GLIS3: variants seen among roughly 807,000 people sequenced by gnomAD.
The protein encoded by GLIS3 is zinc finger protein GLIS3.
Under a neutral mutation model 78.6 loss-of-function variants are expected in GLIS3, and 53 were observed. The ratio of observed to expected loss-of-function variants is 0.67; its 90% confidence interval spans 0.54 to 0.85. The LOEUF (loss-of-function observed/expected upper bound fraction) is 0.85. GLIS3 is among the 40% of genes least tolerant of loss of function. The pLI is 0.00. For synonymous variants in GLIS3, 684 were observed against 509.9 expected (o/e 1.34, Z -4.60); for missense variants, 1,703 against 1,231.1 (o/e 1.38, Z -5.74).
intron 4 of GLIS3, among the ~76,000 whole-genome samples, chr9:4,306,812 A>G (rs1269696181): frequency 1.3e-5 from 2 of 152,206 alleles, no homozygotes; most frequent in African/African-American, 4.8e-5. Flanking sequence ...ACTAAATGCC[A>G]TTTAAAACTC....
At chr9:4,159,306 C>T (rs1371936703) in intron 2 of GLIS3, among the ~76,000 whole-genome samples, 1 of 152,300 alleles carries the variant, frequency 6.6e-6, no homozygotes, top group African/African-American at 2.4e-5. Context: ...CAATCTCTGC[C>T]TTGTCTTGGC....
At chr9:4,155,915 C>G (rs7019392) in intron 2 of GLIS3, among the ~76,000 whole-genome samples, 34,508 of 152,114 alleles carry the variant, frequency 0.23, 4,998 homozygotes, top group African/African-American at 0.41. Flanking sequence ...CATAGGAACA[C>G]CTAAGCATCT....
intron 4 of GLIS3, among the ~76,000 whole-genome samples, chr9:4,031,741 A>G (rs569625330): frequency 6.6e-6 from 1 of 152,216 alleles, no homozygotes; most frequent in East Asian, 1.9e-4. Flanking sequence ...AAATACTCCT[A>G]AAAGTATAAA....
chr9:4,041,013 C>T (rs376173446), intron 4 of GLIS3, among the ~76,000 whole-genome samples: 1 of 152,170 alleles, frequency 6.6e-6, no homozygotes, highest in African/African-American at 2.4e-5. Flanking sequence ...GATTCTAATG[C>T]ATGCTAAACT....
intron 9 of GLIS3, among the ~76,000 whole-genome samples, chr9:3,835,000 T>C (rs760328631): frequency 6.6e-6 from 1 of 152,158 alleles, no homozygotes; most frequent in Non-Finnish European, 1.5e-5. Flanking sequence ...TATCCTACCA[T>C]ATGATGGTGG....
chr9:4,184,416 G>C (rs1817589638), intron 2 of GLIS3, among the ~76,000 whole-genome samples: 1 of 152,194 alleles, frequency 6.6e-6, no homozygotes, highest in Non-Finnish European at 1.5e-5. Context: ...CCCAGCAGCT[G>C]TATTCGAATA....
At chr9:4,425,006 C>T in the GLIS3 span, among the ~76,000 whole-genome samples, 5 of 152,200 alleles carry the variant, frequency 3.3e-5, no homozygotes, top group Admixed American at 2.0e-4. Flanking sequence ...AGGGAGCTCC[C>T]GTATTCCCCT....
At chr9:3,864,355 C>A (rs1352172593) in intron 8 of GLIS3, among the ~76,000 whole-genome samples, 1 of 152,106 alleles carries the variant, frequency 6.6e-6, no homozygotes, top group Non-Finnish European at 1.5e-5. Flanking sequence ...AGATGAGAAA[C>A]AAGGCAAAAA....
the GLIS3 span, among the ~76,000 whole-genome samples, chr9:4,370,774 G>A: frequency 6.6e-6 from 1 of 151,644 alleles, no homozygotes; most frequent in Non-Finnish European, 1.5e-5. Flanking sequence ...AAAGTATGAA[G>A]TTCACCCATT....
chr9:4,373,640 GT>G, the GLIS3 span, among the ~76,000 whole-genome samples: 1 of 150,388 alleles, frequency 6.6e-6, no homozygotes, highest in African/African-American at 2.4e-5. Context: ...ATGAGTTTTT[GT>G]TATCTAGGGG....
At chr9:4,029,594 C>A (rs1194458298) in intron 4 of GLIS3, among the ~76,000 whole-genome samples, 1 of 152,012 alleles carries the variant, frequency 6.6e-6, no homozygotes, top group African/African-American at 2.4e-5. Flanking sequence ...TGTCCCCCTC[C>A]CAAGCCCCCC....
the GLIS3 span, among the ~76,000 whole-genome samples, chr9:4,464,844 G>T: frequency 0.15 from 23,333 of 152,250 alleles, 1,979 homozygotes; most frequent in African/African-American, 0.23. Context: ...CTGATCTGAA[G>T]AGACTTCACA....
exon 2 of GLIS3, chr9:4,347,178 G>A (rs1339468122): frequency 1.3e-5 from 2 of 152,246 alleles, no homozygotes; most frequent in Non-Finnish European, 2.9e-5. Flanking sequence ...GTAAAGAGAA[G>A]CAGGCCTGTG....
chr9:3,938,978 C>G (rs1826048906), intron 4 of GLIS3, among the ~76,000 whole-genome samples: 1 of 152,204 alleles, frequency 6.6e-6, no homozygotes, highest in East Asian at 1.9e-4. Context: ...TCAGAGAAAA[C>G]TCTTGGAGCT....
At chr9:4,081,292 TCAC>T (rs927366662) in intron 4 of GLIS3, 14 of 152,276 alleles carry the variant, frequency 9.2e-5, no homozygotes, top group African/African-American at 3.1e-4. Context: ...TCCTTTGTCC[TCAC>T]CACATTAACC....
At chr9:3,880,315 C>T (rs1044288384) in intron 7 of GLIS3, among the ~76,000 whole-genome samples, 4 of 152,152 alleles carry the variant, frequency 2.6e-5, no homozygotes, top group Non-Finnish European at 4.4e-5. Flanking sequence ...CCTTCGAGAA[C>T]GGTATGTGAC....
At chr9:3,941,205 C>G (rs1815883826) in intron 4 of GLIS3, among the ~76,000 whole-genome samples, 1 of 152,184 alleles carries the variant, frequency 6.6e-6, no homozygotes, top group African/African-American at 2.4e-5. Flanking sequence ...TTTGCAGAAT[C>G]TACCCATTTC....
At chr9:3,918,365 C>G (rs1563848450) in intron 6 of GLIS3, among the ~76,000 whole-genome samples, 2 of 152,086 alleles carry the variant, frequency 1.3e-5, no homozygotes, top group Non-Finnish European at 2.9e-5. Flanking sequence ...ACTATCTTTT[C>G]AAAGATGCTT....
chr9:4,470,555 T>A, the GLIS3 span, among the ~76,000 whole-genome samples: 9 of 143,366 alleles, frequency 6.3e-5, no homozygotes, highest in Non-Finnish European at 1.4e-4. Context: ...AATTCAACAA[T>A]CTTCATGCTA....
Sources: allele counts gnomAD v4.1 joint callset (sites outside exome capture counted in the v4.1 genomes callset), GRCh38; gene constraint gnomAD v4.1.1; transcripts MANE v1.5; gene names NCBI Gene and HGNC (gene_info 2026-07-23, HGNC 2026-07-21).